Variants in AUTS2 observed in about 807,000 individuals in gnomAD.
AUTS2 encodes the protein autism susceptibility gene 2 protein.
Under a neutral mutation model 112.4 loss-of-function variants are expected in AUTS2, and 17 were observed. The ratio of observed to expected loss-of-function variants is 0.15; its 90% confidence interval spans 0.10 to 0.23. The LOEUF (loss-of-function observed/expected upper bound fraction) is 0.23. Among genes scored for constraint, AUTS2 ranks in the 10% least tolerant of loss-of-function variants. The pLI is 1.00. For missense variants in AUTS2, 1,510 were observed against 1,701.6 expected, an observed-to-expected ratio of 0.89 and a Z score of 1.98; for synonymous variants, 751 against 702.7, an observed-to-expected ratio of 1.07 and a Z score of -1.09.
intron 5 of AUTS2, among the ~76,000 whole-genome samples, chr7:70,517,140 T>G (rs1799448224): frequency 6.6e-6 from 1 of 152,216 alleles, no homozygotes; most frequent in Non-Finnish European, 1.5e-5. Flanking sequence ...GGGATTTGTT[T>G]TCTTATAACA....
At chr7:70,732,916 C>T (rs1787516183) in intron 6 of AUTS2, among the ~76,000 whole-genome samples, 1 of 152,158 alleles carries the variant, frequency 6.6e-6, no homozygotes. Flanking sequence ...ATGTGATCTC[C>T]ATTTTGTCCA....
chr7:70,754,212 T>C (rs1166289574), intron 6 of AUTS2, among the ~76,000 whole-genome samples: 1 of 151,608 alleles, frequency 6.6e-6, no homozygotes, highest in African/African-American at 2.4e-5. Flanking sequence ...GAACATTGAT[T>C]GGGCAGGGTG....
chr7:70,617,916 C>T (rs758163752), intron 5 of AUTS2, among the ~76,000 whole-genome samples: 2 of 152,164 alleles, frequency 1.3e-5, no homozygotes, highest in Non-Finnish European at 2.9e-5. Context: ...TCCTCAAGAT[C>T]GCTACTTTTG....
At chr7:70,255,417 G>A (rs927479550) in intron 4 of AUTS2, among the ~76,000 whole-genome samples, 1 of 151,892 alleles carries the variant, frequency 6.6e-6, no homozygotes, top group East Asian at 1.9e-4. Context: ...CAAATAGGGA[G>A]ATACTAATTG....
At chr7:70,698,473 AAATGTAGTC>A in intron 5 of AUTS2, 87 bp from the exon 6 acceptor site, 1 of 1,110,550 alleles carries the variant, frequency 9.0e-7, no homozygotes, top group Non-Finnish European at 1.3e-6. Context: ...GGCTTTCGTA[AAATGTAGTC>A]AACTGATTTA....
intron 1 of AUTS2, among the ~76,000 whole-genome samples, chr7:69,759,188 C>T (rs1025502729): frequency 2.0e-5 from 3 of 152,084 alleles, no homozygotes; most frequent in African/African-American, 7.2e-5. Context: ...CTTAATTGCT[C>T]TGCTGTACTG....
chr7:70,700,938 T>TA (rs1809423900), intron 6 of AUTS2, among the ~76,000 whole-genome samples: 1 of 152,148 alleles, frequency 6.6e-6, no homozygotes, highest in Admixed American at 6.5e-5. Context: ...CCAAGAGCAA[T>TA]AAAAAGCATC....
chr7:70,031,524 T>G (rs562551793), intron 2 of AUTS2, among the ~76,000 whole-genome samples: 3 of 152,316 alleles, frequency 2.0e-5, no homozygotes, highest in Admixed American at 6.5e-5. Context: ...TGAGAAACAT[T>G]TTCTGCTTTA....
At chr7:70,294,241 T>G (rs771892337) in intron 4 of AUTS2, 9 of 152,354 alleles carry the variant, frequency 5.9e-5, no homozygotes, top group Non-Finnish European at 1.3e-4. Context: ...TAAATGTTTT[T>G]GAATAAGCAA....
chr7:70,134,012 G>GT (rs1448446868), intron 3 of AUTS2, among the ~76,000 whole-genome samples: 2 of 152,136 alleles, frequency 1.3e-5, no homozygotes, highest in Non-Finnish European at 2.9e-5. Flanking sequence ...GAAAAGCCCT[G>GT]TGTGTGTACT....
At chr7:70,544,332 A>G (rs1232503233) in intron 5 of AUTS2, among the ~76,000 whole-genome samples, 1 of 152,208 alleles carries the variant, frequency 6.6e-6, no homozygotes, top group Non-Finnish European at 1.5e-5. Flanking sequence ...AAAGTTAATA[A>G]CTACCTAAAG....
At position 69,933,047 on chromosome 7, in the gene AUTS2, C is replaced by T. The variant is rs1040786179; in HGVS notation, c.522+33549C>T. Among the ~76,000 whole-genome samples the T allele has an allele frequency of 1.6e-4, 25 of 152,128 alleles. 1 individual carries two copies. The highest frequency in any genetic ancestry group is 1.4e-3 in the Admixed American group (21 of 15,276). On this transcript the variant is annotated intron_variant, in intron 2 of 18. Transcript: ENST00000342771. ...GCAGGTATTTTTCTGTTGATCTGCA[C>T]GTTGGTTACACTGGTGTGTTCAGTG...
chr7:70,306,001 A>G (rs1789477166), intron 4 of AUTS2, among the ~76,000 whole-genome samples: 2 of 152,346 alleles, frequency 1.3e-5, no homozygotes, highest in South Asian at 4.1e-4. Flanking sequence ...GGGAAAAAAA[A>G]AAACTTAAGC....
chr7:70,365,173 C>G (rs1464967361), intron 4 of AUTS2, among the ~76,000 whole-genome samples: 1 of 152,210 alleles, frequency 6.6e-6, no homozygotes, highest in East Asian at 1.9e-4. Flanking sequence ...ATTTTCTCCC[C>G]TAGTATCTTT....
At chr7:70,716,797 G>C (rs1023675122) in intron 6 of AUTS2, among the ~76,000 whole-genome samples, 1 of 152,066 alleles carries the variant, frequency 6.6e-6, no homozygotes, top group East Asian at 1.9e-4. Flanking sequence ...AGCACCATGG[G>C]CGGCAGGCTG....
intron 5 of AUTS2, among the ~76,000 whole-genome samples, chr7:70,585,923 C>T (rs534117899): frequency 5.9e-5 from 9 of 151,958 alleles, no homozygotes; most frequent in East Asian, 5.8e-4. Context: ...AGTGCAACGG[C>T]GCGATCTCGG....
intron 3 of AUTS2, among the ~76,000 whole-genome samples, chr7:70,125,695 C>T (rs1438216183): frequency 6.6e-6 from 1 of 152,114 alleles, no homozygotes; most frequent in African/African-American, 2.4e-5. Flanking sequence ...GGGTCACCTC[C>T]TACCCGGCAA....
At chr7:70,499,120 G>A (rs988546198) in intron 5 of AUTS2, among the ~76,000 whole-genome samples, 3 of 152,198 alleles carry the variant, frequency 2.0e-5, no homozygotes, top group African/African-American at 7.2e-5. Context: ...AGTAAGACGG[G>A]TCCCTGCTCT....
chr7:70,511,689 C>A (rs980488725), intron 5 of AUTS2, among the ~76,000 whole-genome samples: 2 of 150,282 alleles, frequency 1.3e-5, no homozygotes, highest in Non-Finnish European at 3.0e-5. Context: ...GATTCTCCTG[C>A]CTCAGCCTCC....
Sources: gnomAD v4.1 joint callset for allele counts (sites outside exome capture counted in the v4.1 genomes callset) on GRCh38, gnomAD v4.1.1 for gene constraint, MANE v1.5 for transcripts, NCBI Gene and HGNC (gene_info 2026-07-23, HGNC 2026-07-21) for gene names.